TDRD7: variants seen among roughly 807,000 people sequenced by gnomAD.
TDRD7 encodes tudor domain containing 7.
Under a neutral mutation model 109.8 loss-of-function variants are expected in TDRD7, and 47 were observed. The observed-to-expected ratio is 0.43, with a 90% CI of 0.34 to 0.55. TDRD7 has a LOEUF of 0.55. Ranked by LOEUF, TDRD7 falls within the 20% of genes least tolerant of loss-of-function variation. TDRD7 has a pLI of 0.03. For missense variants in TDRD7, 1,164 were observed against 1,319.2 expected (o/e 0.88, Z 1.82); for synonymous variants, 424 against 457.3 (o/e 0.93, Z 0.93).
intron 12 of TDRD7, among the ~76,000 whole-genome samples, chr9:97,475,728 C>T (rs1829007318): frequency 6.6e-6 from 1 of 151,886 alleles, no homozygotes; most frequent in African/African-American, 2.4e-5. Context: ...TGTATTTGTA[C>T]TTGTAGATAC....
chr9:97,479,181 T>A (rs759023544), intron 13 of TDRD7, among the ~76,000 whole-genome samples: 1 of 152,134 alleles, frequency 6.6e-6, no homozygotes, highest in Non-Finnish European at 1.5e-5. Context: ...AGATGCCCAG[T>A]TACTAATATT....
At position 97,465,876 on chromosome 9, in the gene TDRD7, C is replaced by T. The variant is rs970713362; in HGVS notation, c.1629+848C>T. Among the ~76,000 whole-genome samples the T allele has an allele frequency of 3.9e-5, 6 of 152,104 alleles. No homozygotes were observed. In the South Asian group the frequency reaches 6.2e-4, roughly 16 times the overall value. ...TGTCTCCCTTCCCTAAAGGGAAATG[C>T]GCTTTAAGACTTGGGTTCATTTCTG... On this transcript the variant is annotated intron_variant, in intron 8 of 16. Coordinates refer to ENST00000355295, the MANE Select transcript of TDRD7 (RefSeq NM_014290.3).
At chr9:97,451,359 A>T (rs980826881) in intron 6 of TDRD7, among the ~76,000 whole-genome samples, 7 of 152,158 alleles carry the variant, frequency 4.6e-5, no homozygotes, top group Non-Finnish European at 8.8e-5. Flanking sequence ...CCACCATCAT[A>T]ACTCACTGCA....
At chr9:97,413,974 T>A (rs1338693038) in intron 1 of TDRD7, among the ~76,000 whole-genome samples, 2 of 152,252 alleles carry the variant, frequency 1.3e-5, no homozygotes, top group African/African-American at 4.8e-5. Context: ...TCTAGCTGGA[T>A]ACTTAATGTG....
At chr9:97,444,847 G>A (rs1378759863) in intron 6 of TDRD7, among the ~76,000 whole-genome samples, 2 of 152,242 alleles carry the variant, frequency 1.3e-5, no homozygotes, top group African/African-American at 2.4e-5. Context: ...ATATCAGAAT[G>A]CACAGCATCA....
intron 4 of TDRD7, among the ~76,000 whole-genome samples, chr9:97,434,379 C>T (rs138001584): frequency 6.9e-4 from 105 of 152,114 alleles, no homozygotes; most frequent in African/African-American, 2.3e-3. Context: ...GGGTTGTGGA[C>T]GTACACAATT....
chr9:97,472,164 C>CATT, intron 9 of TDRD7, 129 bp from the exon 10 acceptor site: 3 of 811,262 alleles, frequency 3.7e-6, no homozygotes, highest in Non-Finnish European at 6.0e-6. Context: ...ACAAAGCTTT[C>CATT]ATATAAAATT....
intron 13 of TDRD7, among the ~76,000 whole-genome samples, chr9:97,479,915 G>A (rs1029228769): frequency 3.3e-5 from 5 of 152,118 alleles, no homozygotes; most frequent in African/African-American, 9.7e-5. Context: ...TCCTCTGCTG[G>A]CCCCATCGGG....
intron 7 of TDRD7, among the ~76,000 whole-genome samples, chr9:97,461,382 A>G (rs1828722600): frequency 6.6e-6 from 1 of 152,252 alleles, no homozygotes; most frequent in African/African-American, 2.4e-5. Context: ...CACACTGCAT[A>G]ATACTATTTA....
chr9:97,459,842 C>A (rs953937774), intron 6 of TDRD7, among the ~76,000 whole-genome samples: 4 of 152,102 alleles, frequency 2.6e-5, no homozygotes, highest in African/African-American at 9.7e-5. Context: ...TATTTTTAGT[C>A]AGTTTTGTAA....
At chr9:97,441,961 C>A in intron 6 of TDRD7, 86 bp downstream of exon 6, 1 of 1,119,774 alleles carries the variant, frequency 8.9e-7, no homozygotes, top group Non-Finnish European at 1.4e-6. Flanking sequence ...CACCTTTTAT[C>A]CCCAGAAGAC....
At chr9:97,414,126 G>C (rs1006831923) in intron 1 of TDRD7, among the ~76,000 whole-genome samples, 3 of 152,132 alleles carry the variant, frequency 2.0e-5, no homozygotes, top group African/African-American at 7.2e-5. Flanking sequence ...TTATATTTAC[G>C]TGAACTGTTG....
chr9:97,485,738 T>C (rs1829201582), intron 15 of TDRD7, among the ~76,000 whole-genome samples: 2 of 152,242 alleles, frequency 1.3e-5, no homozygotes, highest in African/African-American at 4.8e-5. Context: ...TTTCCATGTA[T>C]TATTTCTGTA....
intron 8 of TDRD7, 107 bp from the exon 9 acceptor site, chr9:97,470,451 C>A: frequency 9.6e-7 from 1 of 1,040,190 alleles, no homozygotes; most frequent in Non-Finnish European, 1.5e-6. Flanking sequence ...TGCCACTCTG[C>A]CACTCAGCTT....
intron 6 of TDRD7, among the ~76,000 whole-genome samples, chr9:97,452,318 A>C (rs1828511387): frequency 6.6e-6 from 1 of 152,214 alleles, no homozygotes. Flanking sequence ...ATATTTGCCT[A>C]AAGTGTTGAA....
At chr9:97,427,677 G>A (rs975491721) in intron 1 of TDRD7, among the ~76,000 whole-genome samples, 3 of 152,104 alleles carry the variant, frequency 2.0e-5, no homozygotes, top group African/African-American at 7.2e-5. Context: ...TTCTAAGCTG[G>A]AAACATTGGA....
intron 6 of TDRD7, among the ~76,000 whole-genome samples, chr9:97,455,218 T>G (rs1351809060): frequency 1.3e-5 from 2 of 152,042 alleles, no homozygotes; most frequent in African/African-American, 4.8e-5. Context: ...CGGGCCCAGG[T>G]GGATTCACAG....
chr9:97,464,991 G>A lies in TDRD7; in HGVS notation c.1592G>A (p.Arg531Gln), dbSNP rs749983797. 5 of 1,614,054 alleles carry A rather than the reference G, an allele frequency of 3.1e-6. No individual in the cohort carries two copies. Among genetic ancestry groups the A allele is most frequent in the Non-Finnish European group, 4.2e-6 (5 of 1,179,990 alleles). The change falls in exon 8 of 17, where the codon CGG becomes CAG. Residue 531 changes from arginine (R) to glutamine (Q), a missense_variant. Coordinates refer to ENST00000355295, the MANE Select transcript of TDRD7 (RefSeq NM_014290.3). ...AVNAEEDAWL[R>Q]AQVISTEENK... ...AATGCCGAGGAGGACGCCTGGTTACGGGCACAGGTCATCTCAACAGAAGAG... is the reference window on the plus strand; with the variant it reads ...AATGCCGAGGAGGACGCCTGGTTACAGGCACAGGTCATCTCAACAGAAGAG...
chr9:97,495,608 A>G, intron 16 of TDRD7, 55 bp from the exon 17 acceptor site: 1 of 1,535,078 alleles, frequency 6.5e-7, no homozygotes, highest in Non-Finnish European at 9.0e-7. Context: ...TAATGGATCA[A>G]AGAAAAGCTC....
Sources: gnomAD v4.1 joint callset for allele counts (sites outside exome capture counted in the v4.1 genomes callset) on GRCh38, gnomAD v4.1.1 for gene constraint, MANE v1.5 for transcripts, NCBI Gene and HGNC (gene_info 2026-07-23, HGNC 2026-07-21) for gene names.